The following OPA1 variants were observed in gnomAD, a reference collection of about 807,000 sequenced individuals.
The protein encoded by OPA1 is dynamin-like GTPase OPA1, mitochondrial.
OPA1 carries 59 observed loss-of-function variants against 152.9 expected under a neutral mutation model. The observed-to-expected ratio is 0.39, with a 90% CI of 0.31 to 0.48. The LOEUF (loss-of-function observed/expected upper bound fraction) is 0.48. Ranked by LOEUF, OPA1 falls within the 20% of genes least tolerant of loss-of-function variation. OPA1 has a pLI of 0.96. For synonymous variants in OPA1, 400 were observed against 389.9 expected (o/e 1.03, Z -0.31); for missense variants, 1,008 against 1,216.8 (o/e 0.83, Z 2.55).
At chr3:193,599,204 T>A (rs1560305632) in intron 1 of OPA1, among the ~76,000 whole-genome samples, 1 of 152,218 alleles carries the variant, frequency 6.6e-6, no homozygotes, top group Admixed American at 6.5e-5. Context: ...AATGTTTCAT[T>A]AGTCTTATTC....
At chr3:193,626,334 A>T (rs188579912) in intron 7 of OPA1, 132 bp downstream of exon 7, 48 of 708,262 alleles carry the variant, frequency 6.8e-5, no homozygotes, top group Non-Finnish European at 1.2e-4. Flanking sequence ...AATATAAAAG[A>T]TGCATCATAT....
intron 1 of OPA1, among the ~76,000 whole-genome samples, chr3:193,607,534 T>C (rs185811307): frequency 2.4e-3 from 367 of 152,380 alleles, no homozygotes; most frequent in Non-Finnish European, 4.1e-3. Flanking sequence ...CGTTTCCCCG[T>C]TTCTTGTTTT....
intron 29 of OPA1, among the ~76,000 whole-genome samples, chr3:193,668,047 G>A (rs1236631269): frequency 6.6e-6 from 1 of 152,094 alleles, no homozygotes; most frequent in African/African-American, 2.4e-5. Context: ...GTGAATGTTT[G>A]TGTGTGTGCA....
At chr3:193,676,916 G>C (rs1719168131) in intron 29 of OPA1, among the ~76,000 whole-genome samples, 1 of 148,730 alleles carries the variant, frequency 6.7e-6, no homozygotes, top group Non-Finnish European at 1.5e-5. Flanking sequence ...GGGAGGCGGA[G>C]CTTGCGGTGA....
At chr3:193,679,233 C>CTTTTGT (rs755498511) in intron 29 of OPA1, among the ~76,000 whole-genome samples, 3 of 145,128 alleles carry the variant, frequency 2.1e-5, no homozygotes, top group Middle Eastern at 3.5e-3. Flanking sequence ...ATAGAGCCCG[C>CTTTTGT]TTTTGTTTTT....
Position 193,648,193 on chromosome 3 carries a change from T to C in OPA1, c.1935+59T>C, listed in dbSNP as rs977678725. 5.3e-6 allele frequency: 7 copies of C among 1,310,162 alleles called. No homozygotes were observed. The Admixed American group carries it at 1.0e-4, about 19-fold the overall frequency. 81.2% of individuals were successfully genotyped at this position (1,310,162 alleles called of 1,614,324 possible). ...TCTTAATTTAATGTTGTTTGCTAACTAAATTTATGTTGAGAGAAAAATCTG... is the reference window on the plus strand; with the variant it reads ...TCTTAATTTAATGTTGTTTGCTAACCAAATTTATGTTGAGAGAAAAATCTG... On this transcript the variant is annotated intron_variant, in intron 20 of 30. Transcript: ENST00000361510.
At position 193,688,449 on chromosome 3, in the gene OPA1, C is replaced by CTTT. The variant is rs766448341; in HGVS notation, c.2984-3569_2984-3567dup. On this transcript the variant is annotated intron_variant, in intron 29 of 30. Transcript: ENST00000361510. The stretch of plus-strand genomic sequence containing the variant: ...TGATTTTTACTGAAATGGGTCTTTT[C>CTTT]TTTTTTTTTTTTTTTTTTTTTTTTT... Among the ~76,000 whole-genome samples, 8 of 63,362 alleles carry CTTT rather than the reference C, an allele frequency of 1.3e-4. 3 individuals are homozygous for CTTT. Among genetic ancestry groups the CTTT allele is most frequent in the Non-Finnish European group, 2.6e-4 (8 of 30,310 alleles). 41.6% of individuals were successfully genotyped at this position (63,362 alleles called of 152,430 possible).
rs35241985 is a variant in OPA1, at chr3:193,614,646, T to C, written c.33-77T>C. 4 of 1,060,510 alleles carry C rather than the reference T, an allele frequency of 3.8e-6. No individual in the cohort carries two copies. The Admixed American group carries it at 6.7e-5, about 18-fold the overall frequency. The allele number at this position is 1,060,510 out of a possible 1,614,324, so 65.7% of individuals were successfully genotyped here. On this transcript the variant is annotated intron_variant, in intron 1 of 30. Coordinates refer to ENST00000361510, the MANE Select transcript of OPA1 (RefSeq NM_130837.3). ...ACGTATGGGGCTGTGTTTCCTTTAG[T>C]ATATTGCTCTTTTAATGTCATTTCC... is the stretch of plus-strand genomic sequence containing the variant.
chr3:193,665,261 A>AAATT (rs1716261499), intron 27 of OPA1, among the ~76,000 whole-genome samples: 1 of 105,630 alleles, frequency 9.5e-6, no homozygotes, highest in Non-Finnish European at 1.9e-5. Flanking sequence ...AATAGTAAAA[A>AAATT]AAATAAATAA....
chr3:193,663,271 T>A (rs561107337), intron 26 of OPA1, among the ~76,000 whole-genome samples: 1 of 152,290 alleles, frequency 6.6e-6, no homozygotes, highest in South Asian at 2.1e-4. Flanking sequence ...CACGTCACGC[T>A]GTTTCAGATT....
At chr3:193,648,673 A>G in intron 20 of OPA1, 122 bp from the exon 21 acceptor site, 2 of 693,064 alleles carry the variant, frequency 2.9e-6, no homozygotes, top group Non-Finnish European at 5.3e-6. Context: ...TTTGCTAGTC[A>G]TGTATAATTA....
At chr3:193,602,080 G>A (rs1175949195) in intron 1 of OPA1, among the ~76,000 whole-genome samples, 1 of 152,204 alleles carries the variant, frequency 6.6e-6, no homozygotes, top group Non-Finnish European at 1.5e-5. Context: ...AAACACATAA[G>A]GCTTTCATGG....
At chr3:193,607,181 G>T (rs1042765687) in intron 1 of OPA1, among the ~76,000 whole-genome samples, 2 of 152,194 alleles carry the variant, frequency 1.3e-5, no homozygotes, top group African/African-American at 4.8e-5. Context: ...TTTGTCAGAT[G>T]AGAAGTTTCA....
chr3:193,612,233 T>G (rs9828315), intron 1 of OPA1, among the ~76,000 whole-genome samples: 74,328 of 150,400 alleles, frequency 0.49, 18,762 homozygotes, highest in African/African-American at 0.56. Context: ...CTGGCTGATA[T>G]AAGGTCTCAC....
At chr3:193,615,915 C>A (rs1480548647) in intron 3 of OPA1, 145 bp downstream of exon 3, 1 of 647,394 alleles carries the variant, frequency 1.5e-6, no homozygotes, top group Non-Finnish European at 2.7e-6. Context: ...ATGAAAAAAT[C>A]TGTATAAAAG....
At chr3:193,693,903 T>C (rs1374301838) in intron 30 of OPA1, among the ~76,000 whole-genome samples, 1 of 152,218 alleles carries the variant, frequency 6.6e-6, no homozygotes, top group Non-Finnish European at 1.5e-5. Flanking sequence ...GCTTACATCA[T>C]AGTTCTATTT....
chr3:193,632,611 G>T (rs377712673), intron 8 of OPA1, among the ~76,000 whole-genome samples: 1 of 152,226 alleles, frequency 6.6e-6, no homozygotes, highest in Non-Finnish European at 1.5e-5. Context: ...GGTCATGCCT[G>T]TAATCCCAGC....
At chr3:193,643,667 T>C (rs887589214) in intron 15 of OPA1, 40 bp downstream of exon 15, 1 of 1,516,374 alleles carries the variant, frequency 6.6e-7, no homozygotes, top group African/African-American at 1.4e-5. Context: ...TGATATGTTT[T>C]CTTCTTTAGC....
intron 29 of OPA1, chr3:193,668,175 A>T: frequency 1.6e-6 from 1 of 621,278 alleles, no homozygotes; most frequent in South Asian, 2.0e-5. Context: ...GGTTTGTTCT[A>T]GTGTTCTCCC....
Sources: allele counts gnomAD v4.1 joint callset (sites outside exome capture counted in the v4.1 genomes callset), GRCh38; gene constraint gnomAD v4.1.1; transcripts MANE v1.5; gene names NCBI Gene and HGNC (gene_info 2026-07-23, HGNC 2026-07-21).